The following SLC22A6 variants were observed in gnomAD, a reference collection of about 807,000 sequenced individuals.
SLC22A6 encodes the protein PAH transporter.
A neutral mutation model predicts 56.7 loss-of-function variants in SLC22A6; 45 were observed. The observed-to-expected ratio is 0.79, with a 90% CI of 0.63 to 1.02. The LOEUF (loss-of-function observed/expected upper bound fraction) is 1.02, where lower values mean the gene tolerates loss of function less well. Among genes scored for constraint, SLC22A6 ranks in the 50% least tolerant of loss-of-function variants. The pLI, the probability that SLC22A6 is intolerant of heterozygous loss-of-function variation, is 0.00. For missense variants in SLC22A6, 606 were observed against 713.8 expected (o/e 0.85, Z 1.72); for synonymous variants, 291 against 295.9 (o/e 0.98, Z 0.17).
At position 62,979,368 on chromosome 11, in the gene SLC22A6, G is replaced by A. The variant is rs12293329; in HGVS notation, c.1361+120C>T. ...GCTACTATGTGCCTTGCAATGATGA[G>A]TGTTGGGAGGGGCCTTTGGGCTGGG... On this transcript the variant is annotated intron_variant, in intron 8 of 9. Transcript: ENST00000360421. 14,376 of 712,206 alleles carry A rather than the reference G, an allele frequency of 0.02. 1,479 individuals carry two copies. In the African/African-American group the frequency reaches 0.22, roughly 11 times the overall value. 44.1% of individuals were successfully genotyped at this position (712,206 alleles called of 1,614,324 possible). A position where few individuals can be genotyped will look rare whatever the true frequency, so the allele number is the denominator to read the frequency against.
chr11:62,984,270 AG>A, intron 1 of SLC22A6, 51 bp downstream of exon 1: 1 of 1,551,012 alleles, frequency 6.4e-7, no homozygotes, highest in Admixed American at 2.1e-5. Context: ...TTTTTAACAA[AG>A]GCCCCCATCT....
Position 62,977,218 on chromosome 11 carries a change from G to C in SLC22A6, c.1531C>G (p.Pro511Ala), listed in dbSNP as rs767429095. 5 of 1,614,200 alleles carry C rather than the reference G, an allele frequency of 3.1e-6. No individual in the cohort carries two copies. The highest frequency in any genetic ancestry group is 1.3e-5 in the African/African-American group (1 of 75,070). ...TVLLPETLGQ[P>A]LPDTVQDLES... ...AGGTCCTGCACCGTGTCTGGCAGTG[G>C]CTGGCCCAGGGTCTCTGGCAGGAGG... Residue 511 changes from proline to alanine, a missense_variant, in exon 9 of 10, where the codon CCA (proline) becomes GCA (alanine). Coordinates refer to ENST00000360421, the MANE Select transcript of SLC22A6 (RefSeq NM_153276.3).
chr11:62,981,588 C>T (rs1252201883), intron 4 of SLC22A6, among the ~76,000 whole-genome samples: 1 of 152,158 alleles, frequency 6.6e-6, no homozygotes, highest in African/African-American at 2.4e-5. Context: ...AAGCTCAGCT[C>T]TTGGTTGCGG....
chr11:62,982,896 A>G (rs1185297121), intron 3 of SLC22A6, among the ~76,000 whole-genome samples: 1 of 152,186 alleles, frequency 6.6e-6, no homozygotes, highest in African/African-American at 2.4e-5. Flanking sequence ...TGACAGCCCT[A>G]GGATCTCCTG....
At chr11:62,981,146 C>T in intron 5 of SLC22A6, 46 bp from the exon 6 acceptor site, 1 of 1,605,734 alleles carries the variant, frequency 6.2e-7, no homozygotes, top group South Asian at 1.1e-5. Context: ...TCCCAAGGAG[C>T]TCCTCCCAGC....
rs753679674 is a variant in SLC22A6, at chr11:62,983,631, G to A, written c.534C>T (p.Cys178=). The A allele has an allele frequency of 1.1e-5, 17 of 1,611,022 alleles. No homozygotes were observed. The highest frequency in any genetic ancestry group is 1.4e-5 in the Non-Finnish European group (16 of 1,178,900). The change falls in exon 3 of 10, where the codon TGC becomes TGT. Residue 178 remains cysteine, a synonymous_variant. Transcript: ENST00000360421. This position sits in a 1 kb window ranked among gnomAD's most constrained non-coding sequence, Gnocchi z 4.5. ...NYLQTAVSGT[C]AAFAPNFPIY... The stretch of plus-strand genomic sequence containing the variant: ...TGGGGAAGTTGGGTGCGAAGGCTGC[G>A]CAGGTCCCTGACACAGCTGTCTGCA...
Position 62,983,435 on chromosome 11 carries a change from GAGGGC to G in SLC22A6, c.628+97_628+101del. The G allele has an allele frequency of 4.1e-6, 5 of 1,215,326 alleles. No homozygotes were observed. Among genetic ancestry groups the G allele is most frequent in the Non-Finnish European group, 5.8e-6 (5 of 860,586 alleles). The allele number at this position is 1,215,326 out of a possible 1,614,324, so 75.3% of individuals were successfully genotyped here. A position where few individuals can be genotyped will look rare whatever the true frequency, so the allele number is the denominator to read the frequency against. On this transcript the variant is annotated intron_variant, in intron 3 of 9. Coordinates refer to ENST00000360421, the MANE Select transcript of SLC22A6 (RefSeq NM_153276.3). This position sits in a 1 kb window ranked among gnomAD's most constrained non-coding sequence, Gnocchi z 4.5. Reference sequence around the variant, plus strand: ...GGAAGGTGAGACCCGAGAGAGGCTGGAGGGCAGGCAGGGCTCAGGAGGGGCAGGCT... The same window carrying G: ...GGAAGGTGAGACCCGAGAGAGGCTGGAGGCAGGGCTCAGGAGGGGCAGGCT...
In SLC22A6 at chr11:62,984,825, G is replaced by C; in HGVS notation, c.-135C>G. The C allele has an allele frequency of 8.7e-6, 8 of 914,590 alleles. No homozygotes were observed. The South Asian group carries it at 1.4e-4, about 16-fold the overall frequency. 56.7% of individuals were successfully genotyped at this position (914,590 alleles called of 1,614,324 possible). ...CCGCAGCTGGGTTGCTCCGGGAGCT[G>C]AGTCCGAGCTGCTCTGTGGGGGGAC... is the stretch of plus-strand genomic sequence containing the variant. On this transcript the variant is annotated 5_prime_UTR_variant, in exon 1 of 10. Coordinates refer to ENST00000360421, the MANE Select transcript of SLC22A6 (RefSeq NM_153276.3).
chr11:62,977,153 T>A, intron 9 of SLC22A6, 31 bp downstream of exon 9: 1 of 1,614,160 alleles, frequency 6.2e-7, no homozygotes, highest in East Asian at 2.2e-5. Flanking sequence ...ACCTGGGATA[T>A]ATCCCTGCTT....
chr11:62,977,203 C>T lies in SLC22A6; in HGVS notation c.1546G>A (p.Val516Met), dbSNP rs772685087. The change falls in exon 9 of 10, where the codon GTG (valine) becomes ATG (methionine). Residue 516 changes from valine to methionine, a missense_variant. Physicochemically the swap from Val to Met is conservative, Grantham distance 21 (BLOSUM62 1). Coordinates refer to ENST00000360421, the MANE Select transcript of SLC22A6 (RefSeq NM_153276.3). ...GCCCACCTGCTCTCCAGGTCCTGCA[C>T]CGTGTCTGGCAGTGGCTGGCCCAGG... The part of the protein sequence containing the change: ...ETLGQPLPDT[V>M]QDLESRKGKQ... 2 of 1,614,216 alleles carry T rather than the reference C, an allele frequency of 1.2e-6. No individual in the cohort carries two copies. The highest frequency in any genetic ancestry group is 1.7e-6 in the Non-Finnish European group (2 of 1,180,046).
At chr11:62,982,561 G>A (rs1250637410) in intron 3 of SLC22A6, among the ~76,000 whole-genome samples, 1 of 152,220 alleles carries the variant, frequency 6.6e-6, no homozygotes, top group Admixed American at 6.5e-5. Context: ...TAGGTGTCTT[G>A]CCCAGGCTCT....
rs1265299944 is a variant in SLC22A6, at chr11:62,983,059, T to C, written c.628+478A>G. On this transcript the variant is annotated intron_variant, in intron 3 of 9. Transcript: ENST00000360421. This position sits in a 1 kb window ranked among gnomAD's most constrained non-coding sequence, Gnocchi z 4.5. ...GTTTGCAATCCTGCTTTTTTTTTTTTTTTGAGACAGAGTCTCGCTCTATTG... is the reference window on the plus strand; with the variant it reads ...GTTTGCAATCCTGCTTTTTTTTTTTCTTTGAGACAGAGTCTCGCTCTATTG... 6.6e-6 allele frequency among the ~76,000 whole-genome samples: 1 copy of C among 152,020 alleles called. No homozygotes were observed. The highest frequency in any genetic ancestry group is 1.5e-5 in the Non-Finnish European group (1 of 67,984).
rs1426713667 is a variant in SLC22A6 at position 62,977,397 on chromosome 11, C to A, written c.1362-10G>T. ...TCCCATGCCTGTCTGCCTGCAGGGCCCGCAGCAGATGGGTGTTGGTTAGAG... is the reference window on the plus strand; with the variant it reads ...TCCCATGCCTGTCTGCCTGCAGGGCACGCAGCAGATGGGTGTTGGTTAGAG... On this transcript the variant is annotated splice_polypyrimidine_tract_variant and intron_variant, in intron 8 of 9. Coordinates refer to ENST00000360421, the MANE Select transcript of SLC22A6 (RefSeq NM_153276.3). 6.2e-7 allele frequency: 1 copy of A among 1,603,938 alleles called. No individual in the cohort carries two copies. The highest frequency in any genetic ancestry group is 1.7e-5 in the Admixed American group (1 of 59,442).
At chr11:62,981,172 G>C in intron 5 of SLC22A6, 72 bp from the exon 6 acceptor site, 1 of 1,603,828 alleles carries the variant, frequency 6.2e-7, no homozygotes, top group Admixed American at 1.7e-5. Flanking sequence ...CCCTTACTTA[G>C]AGGAGTTCCC....
At chr11:62,976,928 C>A (rs1269532351) in intron 9 of SLC22A6, 47 bp from the exon 10 acceptor site, 5 of 1,602,796 alleles carry the variant, frequency 3.1e-6, no homozygotes, top group Non-Finnish European at 4.3e-6. Flanking sequence ...AGCCTCCAGG[C>A]CAGGGCCGGG....
chr11:62,984,091 T>G (rs569879424), intron 1 of SLC22A6, 44 bp from the exon 2 acceptor site: 4 of 1,405,002 alleles, frequency 2.8e-6, no homozygotes, highest in Admixed American at 1.8e-5. Context: ...GAGCCTGGCT[T>G]CAGAGAATCC....
rs1418028589 is a variant in SLC22A6, at chr11:62,984,382, C to T, written c.309G>A (p.Glu103=). Residue 103 remains glutamate (E), a synonymous_variant, in exon 1 of 10, where the codon GAG becomes GAA. Transcript: ENST00000360421. ...GTEANGTGAT[E]PCTDGWIYDN... is the part of the protein sequence containing the mutation. ...CATAGATCCAGCCATCGGTGCAGGGCTCTGTGGCCCCTGTGCCATTGGCTT... is the reference window on the plus strand; with the variant it reads ...CATAGATCCAGCCATCGGTGCAGGGTTCTGTGGCCCCTGTGCCATTGGCTT... 6.2e-7 allele frequency: 1 copy of T among 1,613,958 alleles called. No homozygotes were observed. The highest frequency in any genetic ancestry group is 1.7e-5 in the Admixed American group (1 of 60,012).
intron 6 of SLC22A6, 28 bp downstream of exon 6, chr11:62,980,957 C>G (rs2086245790): frequency 6.4e-7 from 1 of 1,559,440 alleles, no homozygotes; most frequent in Admixed American, 1.8e-5. Context: ...AGCCTTTTGT[C>G]TCAGTCTGTC....
At position 62,977,371 on chromosome 11, in the gene SLC22A6, T is replaced by C. The variant is rs200134266; in HGVS notation, c.1378A>G (p.Met460Val). Residue 460 changes from methionine to valine, a missense_variant, in exon 9 of 10, where the codon ATG becomes GTG. By Grantham distance (21) the Met-to-Val change is conservative. Transcript: ENST00000360421. ...PTMIRQTGMG[M>V]GSTMARVGSI... ...CCCACTCGGGCCATGGTGCTGCCCA[T>C]TCCCATGCCTGTCTGCCTGCAGGGC... 3.4e-5 allele frequency: 54 copies of C among 1,610,640 alleles called. No individual in the cohort carries two copies. In the East Asian group the frequency reaches 1.2e-3, roughly 35 times the overall value.
Sources: allele counts gnomAD v4.1 joint callset (sites outside exome capture counted in the v4.1 genomes callset), GRCh38; gene constraint gnomAD v4.1.1; non-coding constraint Gnocchi (gnomAD v3.1); transcripts MANE v1.5; gene names NCBI Gene and HGNC (gene_info 2026-07-23, HGNC 2026-07-21).